The following TASP1 variants were observed in gnomAD, a reference collection of about 807,000 sequenced individuals.
TASP1 encodes the protein taspase 1, also known as threonine aspartase 1.
TASP1 carries 16 observed loss-of-function variants against 56.6 expected under a neutral mutation model. The observed-to-expected ratio is 0.28, with a 90% CI of 0.19 to 0.43. The LOEUF (loss-of-function observed/expected upper bound fraction) is 0.43. Among genes scored for constraint, TASP1 ranks in the 20% least tolerant of loss-of-function variants. TASP1 has a pLI of 1.00. For synonymous variants in TASP1, 179 were observed against 184.2 expected, an observed-to-expected ratio of 0.97 and a Z score of 0.23; for missense variants, 393 against 511.6, an observed-to-expected ratio of 0.77 and a Z score of 2.24.
intron 7 of TASP1, among the ~76,000 whole-genome samples, chr20:13,561,661 C>T (rs1468294179): frequency 6.6e-6 from 1 of 152,138 alleles, no homozygotes; most frequent in Non-Finnish European, 1.5e-5. Flanking sequence ...GCCACCATGC[C>T]TAGCTTATTT....
At chr20:13,598,554 A>C (rs1422674507) in intron 4 of TASP1, among the ~76,000 whole-genome samples, 1 of 152,246 alleles carries the variant, frequency 6.6e-6, no homozygotes, top group Non-Finnish European at 1.5e-5. Flanking sequence ...AAAGACTTAA[A>C]TGTTAGACCT....
the TASP1 span, among the ~76,000 whole-genome samples, chr20:13,338,634 G>A: frequency 6.6e-6 from 1 of 152,144 alleles, no homozygotes; most frequent in African/African-American, 2.4e-5. Flanking sequence ...CTTTCAGTAG[G>A]GTTTCATGCT....
At chr20:13,260,819 C>T in the TASP1 span, among the ~76,000 whole-genome samples, 8,840 of 152,202 alleles carry the variant, frequency 0.058, 346 homozygotes, top group Middle Eastern at 0.14. Flanking sequence ...AGCTTAAACC[C>T]GCAAGGATTT....
the TASP1 span, among the ~76,000 whole-genome samples, chr20:13,366,331 A>G: frequency 6.6e-6 from 1 of 152,190 alleles, no homozygotes; most frequent in Admixed American, 6.5e-5. Flanking sequence ...CAGGAAGAGA[A>G]CAGAAACCAT....
the TASP1 span, among the ~76,000 whole-genome samples, chr20:13,281,645 G>A: frequency 2.0e-5 from 3 of 152,200 alleles, no homozygotes; most frequent in East Asian, 5.8e-4. Flanking sequence ...TGCCTTTCTG[G>A]GGAAAAAAGT....
chr20:13,422,423 T>A (rs961176830), intron 12 of TASP1, among the ~76,000 whole-genome samples: 4 of 152,184 alleles, frequency 2.6e-5, no homozygotes, highest in Non-Finnish European at 5.9e-5. Context: ...TGCTTTTCCA[T>A]CTTTTCCATT....
At chr20:13,627,518 G>T (rs549890622) in intron 2 of TASP1, among the ~76,000 whole-genome samples, 1 of 152,102 alleles carries the variant, frequency 6.6e-6, no homozygotes, top group Non-Finnish European at 1.5e-5. Context: ...TTGGGAGGCC[G>T]AGGCGGGTGG....
At chr20:13,420,697 A>C (rs575586384) in intron 12 of TASP1, among the ~76,000 whole-genome samples, 194 of 152,356 alleles carry the variant, frequency 1.3e-3, no homozygotes, top group African/African-American at 4.5e-3. Flanking sequence ...TAACACTTAG[A>C]ATCTAAGATG....
chr20:13,346,108 A>T, the TASP1 span, among the ~76,000 whole-genome samples: 1 of 151,996 alleles, frequency 6.6e-6, no homozygotes, highest in Non-Finnish European at 1.5e-5. Flanking sequence ...TTTTGGGGTC[A>T]TGTTTAAGTT....
the TASP1 span, among the ~76,000 whole-genome samples, chr20:13,274,922 A>G: frequency 6.6e-6 from 1 of 152,178 alleles, no homozygotes; most frequent in Non-Finnish European, 1.5e-5. Context: ...TTAAAACAAT[A>G]TAAGAGGTTG....
At chr20:13,554,991 A>C (rs1426959197) in intron 8 of TASP1, among the ~76,000 whole-genome samples, 1 of 152,216 alleles carries the variant, frequency 6.6e-6, no homozygotes, top group Non-Finnish European at 1.5e-5. Context: ...TCTCTGTAGT[A>C]CATGATGTTA....
chr20:13,324,160 C>T, the TASP1 span, among the ~76,000 whole-genome samples: 1 of 152,288 alleles, frequency 6.6e-6, no homozygotes, highest in African/African-American at 2.4e-5. Context: ...TTTCATAACC[C>T]TCACGAATGC....
chr20:13,635,375 C>T (rs2147630155), intron 1 of TASP1, among the ~76,000 whole-genome samples: 1 of 149,336 alleles, frequency 6.7e-6, no homozygotes, highest in East Asian at 2.0e-4. Flanking sequence ...CAAATGTTTC[C>T]TTCAGCAATT....
At chr20:13,399,236 G>A (rs1222024329) in intron 13 of TASP1, among the ~76,000 whole-genome samples, 3 of 152,076 alleles carry the variant, frequency 2.0e-5, no homozygotes, top group Non-Finnish European at 2.9e-5. Flanking sequence ...CTTTTCTCCT[G>A]TCTGTGTTCA....
At chr20:13,301,004 C>T in the TASP1 span, among the ~76,000 whole-genome samples, 5 of 152,142 alleles carry the variant, frequency 3.3e-5, no homozygotes, top group African/African-American at 2.4e-5. Flanking sequence ...TTCCTTTTCC[C>T]GATGAGAAAA....
chr20:13,391,023 G>T (rs2041252464), intron 13 of TASP1, among the ~76,000 whole-genome samples: 2 of 152,222 alleles, frequency 1.3e-5, no homozygotes, highest in South Asian at 4.1e-4. Context: ...AATCTAAGCT[G>T]AGGAGTTTGG....
intron 8 of TASP1, among the ~76,000 whole-genome samples, chr20:13,537,902 T>C (rs2045474537): frequency 6.6e-6 from 1 of 151,990 alleles, no homozygotes; most frequent in Admixed American, 6.6e-5. Context: ...TACTTTAAAA[T>C]GAATAAATCC....
At chr20:13,362,293 T>C in the TASP1 span, among the ~76,000 whole-genome samples, 1 of 151,918 alleles carries the variant, frequency 6.6e-6, no homozygotes, top group Admixed American at 6.6e-5. Context: ...CTTGCACGTA[T>C]ATGCCCAGAT....
the TASP1 span, among the ~76,000 whole-genome samples, chr20:13,241,871 C>G: frequency 6.6e-6 from 1 of 152,008 alleles, no homozygotes; most frequent in Non-Finnish European, 1.5e-5. Flanking sequence ...AGTTGGATCA[C>G]TGAGTTCAAC....
Sources: gnomAD v4.1 joint callset for allele counts (sites outside exome capture counted in the v4.1 genomes callset) on GRCh38, gnomAD v4.1.1 for gene constraint, MANE v1.5 for transcripts, NCBI Gene and HGNC (gene_info 2026-07-23, HGNC 2026-07-21) for gene names.